Variants in PEBP4 observed in about 807,000 individuals in gnomAD.
The protein encoded by PEBP4 is phosphatidylethanolamine-binding protein 4.
PEBP4 carries 22 observed loss-of-function variants against 23.9 expected under a neutral mutation model. That is an observed-to-expected ratio of 0.92 (90% CI 0.66 to 1.31). The LOEUF is 1.31. Among genes scored for constraint, PEBP4 ranks in the 40% most tolerant of loss-of-function variants. The probability of loss-of-function intolerance (pLI) is 0.00; values close to 1 mark genes in which losing one functional copy is unlikely to be tolerated. For missense variants in PEBP4, 324 were observed against 281.7 expected (o/e 1.15, Z -1.07); for synonymous variants, 112 against 99.3 (o/e 1.13, Z -0.76).
At chr8:22,765,229 C>T (rs1467175847) in intron 4 of PEBP4, among the ~76,000 whole-genome samples, 2 of 151,960 alleles carry the variant, frequency 1.3e-5, no homozygotes, top group African/African-American at 4.8e-5. Context: ...CTGCAACCTC[C>T]CCTTCTCATG....
At chr8:22,730,705 GGGGGTACCAGCCCAGCATTT>G (rs1804711897) in intron 4 of PEBP4, among the ~76,000 whole-genome samples, 1 of 152,326 alleles carries the variant, frequency 6.6e-6, no homozygotes, top group African/African-American at 2.4e-5. Flanking sequence ...CCTGGGAGGA[GGGGGTACCAGCCCAGCATTT>G]GAGGAACACA....
At chr8:22,786,165 C>G (rs76642324) in intron 4 of PEBP4, among the ~76,000 whole-genome samples, 1 of 152,142 alleles carries the variant, frequency 6.6e-6, no homozygotes, top group Non-Finnish European at 1.5e-5. Context: ...TCTGGAGGGG[C>G]TCTGGATTAG....
chr8:22,884,166 CAG>C (rs956650650), intron 3 of PEBP4: 8 of 152,170 alleles, frequency 5.3e-5, no homozygotes, highest in Non-Finnish European at 1.2e-4. Flanking sequence ...TCCCATCCTG[CAG>C]AGAGGGCTCC....
intron 3 of PEBP4, among the ~76,000 whole-genome samples, chr8:22,852,614 C>G (rs1373141382): frequency 1.3e-5 from 2 of 151,836 alleles, no homozygotes; most frequent in Non-Finnish European, 2.9e-5. Context: ...CCAACGGAGT[C>G]TTTTGTGAGT....
chr8:22,715,858 G>A (rs1804405866), intron 6 of PEBP4, among the ~76,000 whole-genome samples: 2 of 152,210 alleles, frequency 1.3e-5, no homozygotes, highest in African/African-American at 4.8e-5. Context: ...TCAGGCCCTT[G>A]GGGTGTGTGG....
chr8:22,793,102 A>G (rs542690381), intron 4 of PEBP4, among the ~76,000 whole-genome samples: 2 of 152,330 alleles, frequency 1.3e-5, no homozygotes, highest in African/African-American at 4.8e-5. Context: ...CTTAACTATT[A>G]TCAACATTTT....
At chr8:22,791,558 G>A (rs532825632) in intron 4 of PEBP4, among the ~76,000 whole-genome samples, 3 of 151,814 alleles carry the variant, frequency 2.0e-5, no homozygotes, top group East Asian at 2.0e-4. Flanking sequence ...GCGTTCGCGC[G>A]TGCTTGTGTG....
intron 3 of PEBP4, among the ~76,000 whole-genome samples, chr8:22,857,014 C>T (rs1204796461): frequency 6.6e-6 from 1 of 152,010 alleles, no homozygotes; most frequent in Non-Finnish European, 1.5e-5. Context: ...ATGACATGAA[C>T]TGATGCACTA....
intron 3 of PEBP4, among the ~76,000 whole-genome samples, chr8:22,892,128 C>T (rs1034925243): frequency 1.3e-5 from 2 of 151,712 alleles, no homozygotes; most frequent in African/African-American, 4.8e-5. Context: ...AAGAGTCACA[C>T]TTCATTGAGT....
intron 4 of PEBP4, among the ~76,000 whole-genome samples, chr8:22,798,219 C>G (rs541347153): frequency 6.6e-6 from 1 of 152,288 alleles, no homozygotes; most frequent in Non-Finnish European, 1.5e-5. Context: ...GATGCTTTCA[C>G]ATCCTGGAGC....
intron 3 of PEBP4, among the ~76,000 whole-genome samples, chr8:22,867,886 C>G (rs1239564580): frequency 6.6e-6 from 1 of 152,152 alleles, no homozygotes; most frequent in Non-Finnish European, 1.5e-5. Flanking sequence ...AACCCTGGGA[C>G]CTGGGTTACC....
chr8:22,850,198 C>A lies in PEBP4; in HGVS notation c.259-32463G>T, dbSNP rs113867732. ...AGTGAGTGATTGAGCTGGGATGATT[C>A]TTGTTCTTCTTCTTACTGCAATGCC... On this transcript the variant is annotated intron_variant, in intron 3 of 6. Transcript: ENST00000256404. Among the ~76,000 whole-genome samples the A allele has an allele frequency of 5.5e-3, 833 of 152,072 alleles. 12 individuals are homozygous for A. The highest frequency in any genetic ancestry group is 0.019 in the African/African-American group (795 of 41,494).
At chr8:22,773,369 A>T (rs989555629) in intron 4 of PEBP4, among the ~76,000 whole-genome samples, 1 of 152,188 alleles carries the variant, frequency 6.6e-6, no homozygotes, top group Non-Finnish European at 1.5e-5. Flanking sequence ...AATATGGTGG[A>T]CAGGCCACTT....
chr8:22,800,088 G>GCAAACTAT (rs964424616), intron 4 of PEBP4, among the ~76,000 whole-genome samples: 20 of 152,310 alleles, frequency 1.3e-4, no homozygotes, highest in African/African-American at 4.6e-4. Flanking sequence ...ATCATTCTGA[G>GCAAACTAT]CAAACTATCA....
intron 6 of PEBP4, among the ~76,000 whole-genome samples, chr8:22,722,875 CTGT>C (rs1299272526): frequency 6.6e-6 from 1 of 151,836 alleles, no homozygotes; most frequent in African/African-American, 2.4e-5. Flanking sequence ...CAGGTTCATG[CTGT>C]TCTCCTGCCT....
chr8:22,768,863 G>A (rs1480969641), intron 4 of PEBP4, among the ~76,000 whole-genome samples: 2 of 152,164 alleles, frequency 1.3e-5, no homozygotes, highest in East Asian at 1.9e-4. Context: ...TCTAGAGGCC[G>A]AAGGAACCGC....
intron 4 of PEBP4, among the ~76,000 whole-genome samples, chr8:22,786,337 C>G (rs904222270): frequency 6.6e-6 from 1 of 152,080 alleles, no homozygotes; most frequent in Admixed American, 6.5e-5. Context: ...GGCTGGAGTA[C>G]AGTGGTGTGA....
intron 3 of PEBP4, among the ~76,000 whole-genome samples, chr8:22,822,694 T>G (rs1240166629): frequency 2.0e-5 from 3 of 152,042 alleles, no homozygotes; most frequent in Non-Finnish European, 4.4e-5. Context: ...ACATTTAAGA[T>G]CCCATTAACA....
chr8:22,781,998 C>T (rs974032077), intron 4 of PEBP4, among the ~76,000 whole-genome samples: 1 of 152,226 alleles, frequency 6.6e-6, no homozygotes, highest in Non-Finnish European at 1.5e-5. Flanking sequence ...TTAATCTCAG[C>T]AGCCATGGTG....
Sources: allele counts gnomAD v4.1 joint callset (sites outside exome capture counted in the v4.1 genomes callset), GRCh38; gene constraint gnomAD v4.1.1; transcripts MANE v1.5; gene names NCBI Gene and HGNC (gene_info 2026-07-23, HGNC 2026-07-21).